Variants in EVC observed in about 807,000 individuals in gnomAD.
EVC encodes EvC ciliary complex subunit 1.
In EVC, 116 loss-of-function variants were observed where a neutral mutation model predicts 118.9. That is an observed-to-expected ratio of 0.98 (90% CI 0.84 to 1.14). The LOEUF (loss-of-function observed/expected upper bound fraction) is 1.14, where lower values mean the gene tolerates loss of function less well. EVC is among the 50% of genes most tolerant of loss of function. The pLI, the probability that EVC is intolerant of heterozygous loss-of-function variation, is 0.00. For synonymous variants in EVC, 619 were observed against 534.7 expected, an observed-to-expected ratio of 1.16 and a Z score of -2.18; for missense variants, 1,401 against 1,246.4, an observed-to-expected ratio of 1.12 and a Z score of -1.87.
chr4:5,799,716 C>T (rs569452619), intron 15 of EVC, among the ~76,000 whole-genome samples: 4 of 152,324 alleles, frequency 2.6e-5, no homozygotes, highest in African/African-American at 9.6e-5. Context: ...TCCAGGAGCC[C>T]TCCAAGGGGT....
At chr4:5,718,787 T>C (rs1724427454) in intron 1 of EVC, among the ~76,000 whole-genome samples, 1 of 152,186 alleles carries the variant, frequency 6.6e-6, no homozygotes, top group African/African-American at 2.4e-5. Flanking sequence ...GAATAGAAAC[T>C]ACTCTATAAC....
chr4:5,800,037 A>G (rs1448500074), intron 15 of EVC, among the ~76,000 whole-genome samples: 1 of 152,198 alleles, frequency 6.6e-6, no homozygotes, highest in Non-Finnish European at 1.5e-5. Flanking sequence ...CAACTTCACA[A>G]TTACAAAAAA....
chr4:5,748,353 A>G, intron 8 of EVC, 47 bp downstream of exon 8: 17 of 1,606,662 alleles, frequency 1.1e-5, no homozygotes, highest in Non-Finnish European at 1.4e-5. Flanking sequence ...TTCAGACTAG[A>G]GATATGGAAT....
At chr4:5,748,061 G>T in intron 7 of EVC, 87 bp from the exon 8 acceptor site, 2 of 1,399,832 alleles carry the variant, frequency 1.4e-6, no homozygotes, top group Non-Finnish European at 1.0e-6. Flanking sequence ...GTGATAGGGA[G>T]TGAATTGTAA....
intron 17 of EVC, among the ~76,000 whole-genome samples, chr4:5,807,903 C>A (rs1716186051): frequency 6.6e-6 from 1 of 152,206 alleles, no homozygotes; most frequent in African/African-American, 2.4e-5. Flanking sequence ...TGGGTTTCTT[C>A]CCCCCAGCTT....
the EVC span, among the ~76,000 whole-genome samples, chr4:5,820,189 T>C: frequency 1.3e-5 from 2 of 152,196 alleles, no homozygotes; most frequent in Admixed American, 1.3e-4. Context: ...ACCTGGCATA[T>C]AGCAACTGCT....
At chr4:5,759,971 G>A (rs1731756360) in intron 11 of EVC, among the ~76,000 whole-genome samples, 1 of 152,110 alleles carries the variant, frequency 6.6e-6, no homozygotes, top group Non-Finnish European at 1.5e-5. Flanking sequence ...ACAACTTGAA[G>A]CAAAGACAGG....
Position 5,711,458 on chromosome 4 carries a change from CCTGCTGGCCCCCGCCGTG to C in EVC, c.86_103del (p.Ala29_Leu34del). The C allele has an allele frequency of 9.6e-7, 1 of 1,042,648 alleles. No homozygotes were observed. The highest frequency in any genetic ancestry group is 1.1e-6 in the Non-Finnish European group (1 of 870,356). 64.6% of individuals were successfully genotyped at this position (1,042,648 alleles called of 1,614,324 possible). A position where few individuals can be genotyped will look rare whatever the true frequency, so the allele number is the denominator to read the frequency against. ...GGGACGCGCTGCGGCCGGCGCCCGC[CCTGCTGGCCCCCGCCGTG>C]CTGCTGGGCGCCGCGCTCGGCCTCG... On this transcript the variant is annotated inframe_deletion, in exon 1 of 21. Transcript: ENST00000264956.
Position 5,761,173 on chromosome 4 carries a change from G to A in EVC, c.1563+4811G>A, listed in dbSNP as rs1399707871. On this transcript the variant is annotated intron_variant, in intron 11 of 20. Coordinates refer to ENST00000264956, the MANE Select transcript of EVC (RefSeq NM_153717.3). ...GACTGGGAGCCCATTTACTTTAAAGGCTGGGTGTGCCGAGGAGAGCAGGTC... is the reference window on the plus strand; with the variant it reads ...GACTGGGAGCCCATTTACTTTAAAGACTGGGTGTGCCGAGGAGAGCAGGTC... Among the ~76,000 whole-genome samples the A allele has an allele frequency of 2.6e-5, 4 of 152,044 alleles. No individual in the cohort carries two copies. In the East Asian group the frequency reaches 7.8e-4, roughly 29 times the overall value.
At chr4:5,751,026 C>T (rs10011837) in intron 8 of EVC, among the ~76,000 whole-genome samples, 10,058 of 152,172 alleles carry the variant, frequency 0.066, 476 homozygotes, top group Non-Finnish European at 0.094. Flanking sequence ...TGACGGTCAT[C>T]AGATTCAGTT....
chr4:5,817,187 G>C (rs539937682), downstream of EVC, among the ~76,000 whole-genome samples: 99 of 152,324 alleles, frequency 6.5e-4, no homozygotes, highest in African/African-American at 2.2e-3. Flanking sequence ...TGGAGGTCCT[G>C]GTCGACATTC....
At position 5,736,733 on chromosome 4, in the gene EVC, G is replaced by A. The variant is rs116604016; in HGVS notation, c.702+3298G>A. ...ATTGTTTGGGGACACCACATGCTGT[G>A]CCAGTATGAGACAACAAACTTAATT... is the stretch of plus-strand genomic sequence containing the variant. On this transcript the variant is annotated intron_variant, in intron 5 of 20. Transcript: ENST00000264956. Among the ~76,000 whole-genome samples the A allele has an allele frequency of 5.1e-3, 779 of 152,220 alleles. 2 individuals are homozygous for A. The highest frequency in any genetic ancestry group is 0.024 in the Middle Eastern group (7 of 294).
chr4:5,810,519 A>G, intron 20 of EVC, 69 bp downstream of exon 20: 1 of 1,197,412 alleles, frequency 8.4e-7, no homozygotes, highest in Non-Finnish European at 1.2e-6. Flanking sequence ...CTGTGTGCCA[A>G]AAGTCAGGGC....
At chr4:5,712,884 G>C (rs1359789775) in intron 1 of EVC, among the ~76,000 whole-genome samples, 1 of 152,158 alleles carries the variant, frequency 6.6e-6, no homozygotes, top group Non-Finnish European at 1.5e-5. Context: ...ATAGACATCT[G>C]GTTCTTTATC....
At chr4:5,726,631 T>A (rs1248813326) in intron 2 of EVC, among the ~76,000 whole-genome samples, 1 of 150,122 alleles carries the variant, frequency 6.7e-6, no homozygotes, top group Non-Finnish European at 1.5e-5. Context: ...GCAGGTTAGT[T>A]ACATATGTAT....
Position 5,797,145 on chromosome 4 carries a change from C to A in EVC, c.2010C>A (p.Leu670=), listed in dbSNP as rs369722491. 5 of 1,613,662 alleles carry A rather than the reference C, an allele frequency of 3.1e-6. No individual in the cohort carries two copies. The highest frequency in any genetic ancestry group is 4.2e-6 in the Non-Finnish European group (5 of 1,180,026). ...TGCGGCTATCGGGGAAGAAGCACCT[C>A]CTGCAGGAGCTGCGGGAACAGCGTG... ...TQMRLSGKKH[L]LQELREQRAL... is the part of the protein sequence containing the mutation. Residue 670 remains leucine, a synonymous_variant, in exon 14 of 21, where the codon CTC becomes CTA. Coordinates refer to ENST00000264956, the MANE Select transcript of EVC (RefSeq NM_153717.3).
In EVC at chr4:5,812,151, C is replaced by A. The variant is rs1452980679; in HGVS notation, c.*1114C>A. On this transcript the variant is annotated 3_prime_UTR_variant, in exon 21 of 21. Transcript: ENST00000264956. ...GAAACTTCCAGACCAGCCCCTCATA[C>A]CACAGCCAAGAGGGGCCTTTCTCAC... The A allele has an allele frequency of 6.9e-6, 1 of 144,942 alleles. No individual in the cohort carries two copies. Among genetic ancestry groups the A allele is most frequent in the African/African-American group, 2.8e-5 (1 of 35,814 alleles). 9.0% of individuals were successfully genotyped at this position (144,942 alleles called of 1,614,324 possible).
chr4:5,764,265 G>A (rs1332975833), intron 11 of EVC, among the ~76,000 whole-genome samples: 1 of 141,328 alleles, frequency 7.1e-6, no homozygotes, highest in Non-Finnish European at 1.5e-5. Flanking sequence ...CTTGATCATG[G>A]TGGATAAGCT....
intron 1 of EVC, among the ~76,000 whole-genome samples, chr4:5,717,102 T>C (rs985756920): frequency 6.6e-6 from 1 of 152,186 alleles, no homozygotes; most frequent in Admixed American, 6.5e-5. Context: ...CCTATCACTT[T>C]TTTAGGTTGA....
Sources: gnomAD v4.1 joint callset for allele counts (sites outside exome capture counted in the v4.1 genomes callset) on GRCh38, gnomAD v4.1.1 for gene constraint, MANE v1.5 for transcripts, NCBI Gene and HGNC (gene_info 2026-07-23, HGNC 2026-07-21) for gene names.